The following CACNA2D3 variants were observed in gnomAD, a reference collection of about 807,000 sequenced individuals.
The protein encoded by CACNA2D3 is calcium voltage-gated channel auxiliary subunit alpha2delta 3.
A neutral mutation model predicts 160.6 loss-of-function variants in CACNA2D3; 60 were observed. The ratio of observed to expected loss-of-function variants is 0.37; its 90% CI spans 0.30 to 0.46. The LOEUF (loss-of-function observed/expected upper bound fraction) is 0.46, where lower values mean the gene tolerates loss of function less well. Ranked by LOEUF, CACNA2D3 falls within the 20% of genes least tolerant of loss-of-function variation. The pLI is 1.00. For missense variants in CACNA2D3, 1,205 were observed against 1,365.0 expected (o/e 0.88, Z 1.85); for synonymous variants, 558 against 492.9 (o/e 1.13, Z -1.75).
At chr3:54,525,500 G>C (rs1215604968) in intron 5 of CACNA2D3, among the ~76,000 whole-genome samples, 2 of 152,070 alleles carry the variant, frequency 1.3e-5, no homozygotes, top group Non-Finnish European at 2.9e-5. Flanking sequence ...TTTCCTGTAA[G>C]CCAGGTCTGC....
At chr3:54,437,012 A>G (rs1700071292) in intron 4 of CACNA2D3, among the ~76,000 whole-genome samples, 1 of 151,928 alleles carries the variant, frequency 6.6e-6, no homozygotes, top group South Asian at 2.1e-4. Context: ...AACATCTGTT[A>G]CAGTAGGCTC....
Position 54,394,330 on chromosome 3 carries a change from T to TTATTA in CACNA2D3, c.381+7557_381+7558insATTAT, listed in dbSNP as rs1553645781. On this transcript the variant is annotated intron_variant, in intron 4 of 37. Coordinates refer to ENST00000474759, the MANE Select transcript of CACNA2D3 (RefSeq NM_018398.3). ...TTGGAGAGTGAACATTTTTTTTTTTTTTATTATTATACTCTAAGTTTTAGG... is the reference window on the plus strand; with the variant it reads ...TTGGAGAGTGAACATTTTTTTTTTTTTATTATTATTATTATACTCTAAGTTTTAGG... Among the ~76,000 whole-genome samples, 959 of 151,400 alleles carry TTATTA rather than the reference T, an allele frequency of 6.3e-3. 14 individuals carry two copies. Among genetic ancestry groups the TTATTA allele is most frequent in the African/African-American group, 0.022 (917 of 41,136 alleles).
At chr3:54,836,085 C>A (rs992239332) in intron 14 of CACNA2D3, among the ~76,000 whole-genome samples, 9 of 152,150 alleles carry the variant, frequency 5.9e-5, no homozygotes, top group African/African-American at 2.2e-4. Context: ...TTGTTTGGGA[C>A]AGAGTAGGGG....
At chr3:54,629,235 G>A (rs1229933608) in intron 10 of CACNA2D3, among the ~76,000 whole-genome samples, 3 of 151,930 alleles carry the variant, frequency 2.0e-5, no homozygotes, top group Non-Finnish European at 4.4e-5. Flanking sequence ...TGTAGGGCAG[G>A]CTGTTGTCAT....
At chr3:54,606,803 C>A (rs983139997) in intron 9 of CACNA2D3, among the ~76,000 whole-genome samples, 5 of 152,058 alleles carry the variant, frequency 3.3e-5, no homozygotes, top group African/African-American at 1.2e-4. Context: ...TTCTTTTCAC[C>A]CCCTCTCTAA....
chr3:55,051,775 C>A (rs1015146934), intron 35 of CACNA2D3, among the ~76,000 whole-genome samples: 1 of 152,146 alleles, frequency 6.6e-6, no homozygotes. Context: ...GGCGTAGGAC[C>A]CTCCGAGCCA....
chr3:54,391,516 C>CTTTCT (rs1553644561), intron 4 of CACNA2D3, among the ~76,000 whole-genome samples: 1 of 142,034 alleles, frequency 7.0e-6, no homozygotes. Flanking sequence ...TTCTTTCTTT[C>CTTTCT]TTTTTTTTTT....
intron 27 of CACNA2D3, among the ~76,000 whole-genome samples, chr3:54,914,741 C>T (rs998767673): frequency 5.9e-5 from 9 of 152,276 alleles, no homozygotes; most frequent in Middle Eastern, 3.4e-3. Flanking sequence ...AAGGATGGTT[C>T]CCTAAAGTCA....
chr3:54,891,508 A>G, intron 25 of CACNA2D3, 58 bp downstream of exon 25: 1 of 1,266,100 alleles, frequency 7.9e-7, no homozygotes, highest in Admixed American at 1.8e-5. Flanking sequence ...GAACATTCAA[A>G]GGGAAGCTTA....
intron 4 of CACNA2D3, among the ~76,000 whole-genome samples, chr3:54,390,601 C>T (rs1699262435): frequency 6.6e-6 from 1 of 152,160 alleles, no homozygotes; most frequent in Non-Finnish European, 1.5e-5. Context: ...CTCTATGGGT[C>T]AAAGTAAACC....
At chr3:54,453,282 T>A (rs985782475) in intron 4 of CACNA2D3, among the ~76,000 whole-genome samples, 2 of 152,196 alleles carry the variant, frequency 1.3e-5, no homozygotes, top group Non-Finnish European at 2.9e-5. Flanking sequence ...CATGAGCCAC[T>A]GTGCCCAGCC....
chr3:54,513,389 C>G (rs147870911), intron 5 of CACNA2D3, among the ~76,000 whole-genome samples: 148 of 152,258 alleles, frequency 9.7e-4, no homozygotes, highest in African/African-American at 3.5e-3. Flanking sequence ...CTTCAGGTAA[C>G]ATTTTTGTGG....
intron 9 of CACNA2D3, among the ~76,000 whole-genome samples, chr3:54,600,145 AC>A (rs746298168): frequency 1.1e-4 from 16 of 152,110 alleles, no homozygotes; most frequent in Non-Finnish European, 2.1e-4. Context: ...TGTTCGACGC[AC>A]CTTCATGGGG....
At chr3:54,655,954 T>C (rs1699868991) in intron 11 of CACNA2D3, among the ~76,000 whole-genome samples, 2 of 152,228 alleles carry the variant, frequency 1.3e-5, no homozygotes, top group African/African-American at 4.8e-5. Context: ...CCTTGTGCTG[T>C]GGTTCCCTCA....
In CACNA2D3 at chr3:54,570,249, G is replaced by A. The variant is rs537168359; in HGVS notation, c.888+145G>A. 1,028 of 871,674 alleles carry A rather than the reference G, an allele frequency of 1.2e-3. 8 individuals are homozygous for A. Among genetic ancestry groups the A allele is most frequent in the Non-Finnish European group, 2.4e-4 (132 of 552,960 alleles). 54.0% of individuals were successfully genotyped at this position (871,674 alleles called of 1,614,324 possible). A position where few individuals can be genotyped will look rare whatever the true frequency, so the allele number is the denominator to read the frequency against. Reference sequence around the variant, plus strand: ...GGTTAGTCTCATGAAAGTTGACAGAGTCATGGACAGTGGAAGGCAGTGGAA... The same window carrying A: ...GGTTAGTCTCATGAAAGTTGACAGAATCATGGACAGTGGAAGGCAGTGGAA... On this transcript the variant is annotated intron_variant, in intron 8 of 37. Transcript: ENST00000474759.
At chr3:54,861,324 A>G (rs1057137715) in intron 17 of CACNA2D3, among the ~76,000 whole-genome samples, 11 of 152,238 alleles carry the variant, frequency 7.2e-5, no homozygotes, top group African/African-American at 2.6e-4. Flanking sequence ...TTCAGAGCAC[A>G]TGGGGTGGCA....
intron 17 of CACNA2D3, among the ~76,000 whole-genome samples, chr3:54,870,775 G>T (rs1006868207): frequency 9.2e-5 from 14 of 152,142 alleles, no homozygotes; most frequent in Admixed American, 1.3e-4. Flanking sequence ...CCAGGTAAAG[G>T]AGCCATGCTT....
intron 4 of CACNA2D3, among the ~76,000 whole-genome samples, chr3:54,400,636 T>C (rs1196173758): frequency 1.3e-5 from 2 of 152,162 alleles, no homozygotes; most frequent in Admixed American, 6.5e-5. Context: ...ATTTCTGACA[T>C]TGATCACAGC....
chr3:54,800,585 C>G (rs1258070250), intron 13 of CACNA2D3, among the ~76,000 whole-genome samples: 3 of 152,106 alleles, frequency 2.0e-5, no homozygotes, highest in Non-Finnish European at 4.4e-5. Flanking sequence ...TGTGGGGGGC[C>G]TTCCCTCCAC....
Sources: allele counts gnomAD v4.1 joint callset (sites outside exome capture counted in the v4.1 genomes callset), GRCh38; gene constraint gnomAD v4.1.1; transcripts MANE v1.5; gene names NCBI Gene and HGNC (gene_info 2026-07-23, HGNC 2026-07-21).